The following CR1 variants were observed in gnomAD, a reference collection of about 807,000 sequenced individuals.
The protein encoded by CR1 is complement receptor type 1.
A neutral mutation model predicts 187.3 loss-of-function variants in CR1; 116 were observed. The observed-to-expected ratio is 0.62, with a 90% CI of 0.53 to 0.72. The LOEUF is 0.72. Among genes scored for constraint, CR1 ranks in the 30% least tolerant of loss-of-function variants. The probability of loss-of-function intolerance (pLI) is 0.00; values close to 1 mark genes in which losing one functional copy is unlikely to be tolerated. For missense variants in CR1, 1,731 were observed against 2,110.7 expected, an observed-to-expected ratio of 0.82 and a Z score of 3.52; for synonymous variants, 576 against 747.1, an observed-to-expected ratio of 0.77 and a Z score of 3.73.
intron 39 of CR1, among the ~76,000 whole-genome samples, chr1:207,613,162 G>T (rs1187473799): frequency 6.6e-6 from 1 of 152,134 alleles, no homozygotes; most frequent in African/African-American, 2.4e-5. Flanking sequence ...ACAATAGAAG[G>T]GTGAGGAGGG....
intron 1 of CR1, among the ~76,000 whole-genome samples, chr1:207,500,582 T>C (rs1659236037): frequency 6.6e-6 from 1 of 152,140 alleles, no homozygotes; most frequent in Non-Finnish European, 1.5e-5. Flanking sequence ...GAGATAACAA[T>C]ACATACCCAC....
chr1:207,611,847 T>A lies in CR1; in HGVS notation c.6466T>A (p.Cys2156Ser), dbSNP rs1248026591. 4 of 1,613,884 alleles carry A rather than the reference T, an allele frequency of 2.5e-6. No homozygotes were observed. The highest frequency in any genetic ancestry group is 1.7e-5 in the Admixed American group (1 of 60,006). ...QGDWSPEAPR[C>S]TVKSCDDFLG... is the part of the protein sequence containing the mutation. ...AGACTGGAGCCCTGAAGCCCCTAGA[T>A]GTACAGGTGCCTTGACTCTCTGGCT... Residue 2156 changes from cysteine (C) to serine (S), a missense_variant, in exon 38 of 47, where the codon TGT becomes AGT. Cys to Ser is a moderately radical substitution (Grantham distance 112, BLOSUM62 -1). Around this residue, in one of 5 missense-constraint regions of CR1, gnomAD observed 1,312 missense variants for 1,379.6 expected, o/e 0.95. Coordinates refer to ENST00000367049, the MANE Select transcript of CR1 (RefSeq NM_000651.6).
chr1:207,631,533 G>A (rs1242663741), intron 46 of CR1, among the ~76,000 whole-genome samples: 1 of 152,124 alleles, frequency 6.6e-6, no homozygotes, highest in African/African-American at 2.4e-5. Context: ...TTTCTCACTG[G>A]CTAGTTCCCC....
At chr1:207,544,744 G>A (rs1202428066) in intron 13 of CR1, among the ~76,000 whole-genome samples, 1 of 148,210 alleles carries the variant, frequency 6.7e-6, no homozygotes, top group Admixed American at 6.6e-5. Flanking sequence ...TTGCTACATA[G>A]CATGAAGAGA....
intron 35 of CR1, among the ~76,000 whole-genome samples, chr1:207,606,255 A>C (rs1040253774): frequency 1.3e-5 from 2 of 152,216 alleles, no homozygotes; most frequent in African/African-American, 4.8e-5. Context: ...AAGTTGCACA[A>C]GACACTCCAC....
intron 1 of CR1, among the ~76,000 whole-genome samples, chr1:207,502,627 A>G (rs1659306282): frequency 6.6e-6 from 1 of 152,238 alleles, no homozygotes; most frequent in South Asian, 2.1e-4. Context: ...GGCAGGGAAC[A>G]TAGACAAGGG....
At chr1:207,512,926 G>A (rs748675615) in intron 4 of CR1, among the ~76,000 whole-genome samples, 81 of 152,134 alleles carry the variant, frequency 5.3e-4, no homozygotes, top group Non-Finnish European at 1.1e-3. Context: ...CTTGGAAAAG[G>A]CTAGGGGAAG....
chr1:207,505,783 C>T, intron 1 of CR1, 121 bp from the exon 2 acceptor site: 2 of 1,121,824 alleles, frequency 1.8e-6, no homozygotes, highest in Non-Finnish European at 1.3e-6. Context: ...TTGCAGTGAG[C>T]CAAGATAGCG....
Position 207,580,292 on chromosome 1 carries a change from G to C in CR1, c.4989G>C (p.Gln1663His), listed in dbSNP as rs1660892545. ...ILHGEHTPSHQDNFSPGQEVF... is the reference protein window; with the variant it reads ...ILHGEHTPSHHDNFSPGQEVF... ...ATGGTGAGCATACCCCAAGCCATCA[G>C]GACAACTTTTCACCTGGGCAGGAAG... The change falls in exon 30 of 47, where the codon CAG (glutamine) becomes CAC (histidine). Residue 1663 changes from glutamine (Q) to histidine (H), a missense_variant. Physicochemically the swap from Gln to His is conservative, Grantham distance 24. This residue lies in a region of CR1 where 1,312 missense variants were observed against 1,379.6 expected (regional missense o/e 0.95). Coordinates refer to ENST00000367049, the MANE Select transcript of CR1 (RefSeq NM_000651.6). The C allele has an allele frequency of 6.2e-7, 1 of 1,613,728 alleles. No individual in the cohort carries two copies. The highest frequency in any genetic ancestry group is 8.5e-7 in the Non-Finnish European group (1 of 1,179,850).
intron 28 of CR1, 53 bp downstream of exon 28, chr1:207,575,733 C>T: frequency 1.9e-6 from 3 of 1,608,762 alleles, no homozygotes; most frequent in East Asian, 2.2e-5. Context: ...CTAGAGTTGT[C>T]CTCCTAGAAT....
chr1:207,595,619 GC>G (rs1350967636), intron 35 of CR1, among the ~76,000 whole-genome samples: 3 of 151,920 alleles, frequency 2.0e-5, no homozygotes, highest in Admixed American at 2.0e-4. Context: ...CATCTGCAAG[GC>G]ACAGATGCAT....
At chr1:207,617,936 G>T (rs749682694) in intron 41 of CR1, 135 bp from the exon 42 acceptor site, 60 of 827,520 alleles carry the variant, frequency 7.3e-5, no homozygotes, top group Non-Finnish European at 1.1e-4. Flanking sequence ...AAATAGGAGG[G>T]AGTGGCTTAT....
At chr1:207,580,126 G>C in intron 29 of CR1, 114 bp from the exon 30 acceptor site, 1 of 1,463,454 alleles carries the variant, frequency 6.8e-7, no homozygotes, top group Non-Finnish European at 9.2e-7. Flanking sequence ...TTGGGGCCTT[G>C]TGCTAGGGAG....
At chr1:207,593,102 A>AAAAAAAAC (rs1439487338) in intron 35 of CR1, among the ~76,000 whole-genome samples, 4 of 151,508 alleles carry the variant, frequency 2.6e-5, no homozygotes, top group African/African-American at 9.7e-5. Flanking sequence ...AAAAAAAAAA[A>AAAAAAAAC]ACTACTTTAA....
chr1:207,584,372 A>G (rs1192181341), intron 32 of CR1, among the ~76,000 whole-genome samples: 1 of 152,138 alleles, frequency 6.6e-6, no homozygotes, highest in Non-Finnish European at 1.5e-5. Context: ...ATTTACTTTA[A>G]AGGAATATAC....
intron 4 of CR1, among the ~76,000 whole-genome samples, chr1:207,516,564 T>C (rs1659814354): frequency 6.6e-6 from 1 of 152,206 alleles, no homozygotes; most frequent in South Asian, 2.1e-4. Flanking sequence ...AAGTTTCTGT[T>C]GACTCAGTAG....
intron 25 of CR1, among the ~76,000 whole-genome samples, chr1:207,568,381 G>A (rs1365367704): frequency 1.0e-5 from 1 of 99,786 alleles, no homozygotes; most frequent in Non-Finnish European, 1.9e-5. Context: ...GCCAGGAAAC[G>A]TCTTGAGTTC....
chr1:207,601,921 A>T (rs571322210), intron 35 of CR1, among the ~76,000 whole-genome samples: 1 of 152,180 alleles, frequency 6.6e-6, no homozygotes, highest in African/African-American at 2.4e-5. Context: ...AGGACACTTC[A>T]GTTCCTCACT....
intron 45 of CR1, among the ~76,000 whole-genome samples, chr1:207,624,463 T>A (rs1184243786): frequency 2.0e-5 from 3 of 152,184 alleles, no homozygotes; most frequent in African/African-American, 7.2e-5. Flanking sequence ...ATAGCAAATA[T>A]TCTAAACAAG....
Sources: allele counts gnomAD v4.1 joint callset (sites outside exome capture counted in the v4.1 genomes callset), GRCh38; gene constraint gnomAD v4.1.1; regional missense constraint gnomAD v4.1.1; transcripts MANE v1.5; gene names NCBI Gene and HGNC (gene_info 2026-07-23, HGNC 2026-07-21).